The following UGT3A1 variants were observed in gnomAD, a reference collection of about 807,000 sequenced individuals.
UGT3A1 encodes UDP-glycosyltransferase 3A1.
In UGT3A1, 40 loss-of-function variants were observed where a neutral mutation model predicts 37.6. The observed-to-expected ratio is 1.06, with a 90% confidence interval of 0.83 to 1.38. The LOEUF (loss-of-function observed/expected upper bound fraction) is 1.38, where lower values mean the gene tolerates loss of function less well. Among genes scored for constraint, UGT3A1 ranks in the 40% most tolerant of loss-of-function variants. The pLI is 0.00. For missense variants in UGT3A1, 642 were observed against 634.2 expected (o/e 1.01, Z -0.13); for synonymous variants, 256 against 232.3 (o/e 1.10, Z -0.93).
chr5:35,955,755 A>G lies in UGT3A1; in HGVS notation c.1185T>C (p.His395=). 3 of 1,614,188 alleles carry G rather than the reference A, an allele frequency of 1.9e-6. No individual in the cohort carries two copies. The highest frequency in any genetic ancestry group is 2.5e-6 in the Non-Finnish European group (3 of 1,180,034). Residue 395 remains histidine (H), a synonymous_variant, in exon 6 of 7, where the codon CAT becomes CAC. Coordinates refer to ENST00000274278, the MANE Select transcript of UGT3A1 (RefSeq NM_152404.4). ...MVGLPVNGDQ[H]GNMVRVVAKN... The stretch of plus-strand genomic sequence containing the variant: ...TGGCTACTACTCGGACCATGTTTCC[A>G]TGCTGGTCTCCATTGACTGGTAATC...
At chr5:35,957,518 C>G in intron 4 of UGT3A1, 99 bp from the exon 5 acceptor site, 1 of 947,566 alleles carries the variant, frequency 1.1e-6, no homozygotes, top group East Asian at 2.6e-5. Flanking sequence ...ACCCTCCCAT[C>G]AGTGCCTTGT....
Position 35,953,089 on chromosome 5 carries a change from T to C in UGT3A1, c.*1113A>G, listed in dbSNP as rs930054586. The C allele has an allele frequency of 1.3e-4, 20 of 152,476 alleles. No homozygotes were observed. The highest frequency in any genetic ancestry group is 2.6e-4 in the African/African-American group (11 of 41,578). 9.4% of individuals were successfully genotyped at this position (152,476 alleles called of 1,614,324 possible). On this transcript the variant is annotated 3_prime_UTR_variant, in exon 7 of 7. Transcript: ENST00000274278. ...TGTGTTTTTAACTCATCAGACACCA[T>C]GCATTTGACAGTTTTATTACAGTGG...
Position 35,956,684 on chromosome 5 carries a change from T to C in UGT3A1, c.1075+504A>G, listed in dbSNP as rs146894840. Among the ~76,000 whole-genome samples the C allele has an allele frequency of 4.4e-3, 673 of 152,316 alleles. 1 individual carries two copies. Among genetic ancestry groups the C allele is most frequent in the Non-Finnish European group, 7.2e-3 (489 of 68,020 alleles). ...ATTGTGGCACATCCTTCAGATAATGTTGGCATCAATGTTGTGAATGTATGA... is the reference window on the plus strand; with the variant it reads ...ATTGTGGCACATCCTTCAGATAATGCTGGCATCAATGTTGTGAATGTATGA... On this transcript the variant is annotated intron_variant, in intron 5 of 6. Transcript: ENST00000274278.
rs554629031 is a variant in UGT3A1 at position 35,976,049 on chromosome 5, T to C, written c.197-7916A>G. Among the ~76,000 whole-genome samples the C allele has an allele frequency of 6.6e-5, 10 of 152,308 alleles. No individual in the cohort carries two copies. In the East Asian group the frequency reaches 1.4e-3, roughly 21 times the overall value. On this transcript the variant is annotated intron_variant, in intron 2 of 6. Coordinates refer to ENST00000274278, the MANE Select transcript of UGT3A1 (RefSeq NM_152404.4). ...CACTATTTCCCCTAGTGATCCACTA[T>C]CAATATTTTTGCTTCCTGTTCCTGC...
chr5:35,966,613 G>A (rs1364663347), intron 3 of UGT3A1, among the ~76,000 whole-genome samples: 1 of 152,278 alleles, frequency 6.6e-6, no homozygotes, highest in South Asian at 2.1e-4. Context: ...TATTCCAGAA[G>A]CTACTGCCCT....
chr5:35,965,136 A>T (rs16902667), intron 4 of UGT3A1, among the ~76,000 whole-genome samples: 2,705 of 152,326 alleles, frequency 0.018, 85 homozygotes, highest in African/African-American at 0.063. Context: ...GGCTCATCCC[A>T]CTGATTCTAA....
chr5:35,998,697 G>T (rs1741150578), intron 1 of UGT3A1, among the ~76,000 whole-genome samples: 2 of 152,178 alleles, frequency 1.3e-5, no homozygotes, highest in Admixed American at 1.3e-4. Flanking sequence ...TAAGAGGAGA[G>T]GATGGAAATT....
chr5:35,976,165 G>A (rs2149976183), intron 2 of UGT3A1, among the ~76,000 whole-genome samples: 1 of 152,138 alleles, frequency 6.6e-6, no homozygotes, highest in African/African-American at 2.4e-5. Context: ...AAACAGAAAA[G>A]TAAGAATGCA....
In UGT3A1 at chr5:35,954,251, C is replaced by A. The variant is rs1404442976; in HGVS notation, c.1523G>T (p.Gly508Val). 63 of 1,614,094 alleles carry A rather than the reference C, an allele frequency of 3.9e-5. No homozygotes were observed. Among genetic ancestry groups the A allele is most frequent in the Non-Finnish European group, 4.9e-5 (58 of 1,180,052 alleles). The change falls in exon 7 of 7, where the codon GGT becomes GTT. Residue 508 changes from glycine (G) to valine (V), a missense_variant. Transcript: ENST00000274278. ...CCCACGCAGCCACCTGGCCACCACACCCAGCAGCTTCCCACAAAGCCACAT... is the reference window on the plus strand; with the variant it reads ...CCCACGCAGCCACCTGGCCACCACAACCAGCAGCTTCCCACAAAGCCACAT... ...GTMWLCGKLL[G>V]VVARWLRGAR...
chr5:35,957,229 T>C lies in UGT3A1; in HGVS notation c.1034A>G (p.Asn345Ser), dbSNP rs539496316. Residue 345 changes from asparagine to serine, a missense_variant, in exon 5 of 7, where the codon AAT becomes AGT. Asn to Ser is a conservative substitution (Grantham distance 46). Transcript: ENST00000274278. ...AGGAAGCCAGTCCACAATTTTCACA[T>C]TTGTGGCCAAATGAACATCTCTGGG... ...HWPRDVHLAT[N>S]VKIVDWLPQS... 3.1e-6 allele frequency: 5 copies of C among 1,614,140 alleles called. No individual in the cohort carries two copies. Among genetic ancestry groups the C allele is most frequent in the Non-Finnish European group, 2.5e-6 (3 of 1,180,010 alleles).
intron 2 of UGT3A1, among the ~76,000 whole-genome samples, chr5:35,974,214 A>ATTTTT (rs1740166770): frequency 6.6e-6 from 1 of 152,140 alleles, no homozygotes; most frequent in Non-Finnish European, 1.5e-5. Context: ...AAAAATAATT[A>ATTTTT]TATTTTTCAG....
At chr5:35,990,956 C>A in intron 1 of UGT3A1, 191 bp downstream of exon 1, 2 of 1,478,640 alleles carry the variant, frequency 1.4e-6, no homozygotes, top group South Asian at 2.8e-5. Flanking sequence ...CAAAAACTGT[C>A]TTCCTCACCT....
chr5:35,974,118 C>T (rs1362503223), intron 2 of UGT3A1, among the ~76,000 whole-genome samples: 1 of 152,154 alleles, frequency 6.6e-6, no homozygotes. Context: ...CACTACACTA[C>T]CAGAAATATA....
chr5:35,998,808 T>C (rs1434393876), intron 1 of UGT3A1, among the ~76,000 whole-genome samples: 3 of 152,180 alleles, frequency 2.0e-5, no homozygotes, highest in Non-Finnish European at 2.9e-5. Context: ...TTGATTGCCC[T>C]AACTGACTTG....
intron 1 of UGT3A1, among the ~76,000 whole-genome samples, chr5:35,990,319 A>C (rs1369535775): frequency 6.6e-6 from 1 of 152,094 alleles, no homozygotes; most frequent in African/African-American, 2.4e-5. Context: ...TCCAGCTCTA[A>C]GAGCCCTGAT....
intron 6 of UGT3A1, 132 bp from the exon 7 acceptor site, chr5:35,954,610 A>C: frequency 8.3e-7 from 1 of 1,210,190 alleles, no homozygotes; most frequent in Non-Finnish European, 1.1e-6. Flanking sequence ...GCTGCAAAGA[A>C]AATTTGTTGG....
At chr5:35,986,195 C>T (rs962758334) in intron 2 of UGT3A1, among the ~76,000 whole-genome samples, 3 of 151,872 alleles carry the variant, frequency 2.0e-5, no homozygotes, top group Admixed American at 6.6e-5. Flanking sequence ...AATGCTGACA[C>T]GAAAGTCAAG....
Position 35,954,437 on chromosome 5 carries a change from G to A in UGT3A1, c.1337C>T (p.Ser446Phe). ...AVVAASVILH[S>F]QPLSPAQRLV... ...CCGCTGTGCGGGGCTCAGGGGCTGAGAGTGCAGGATGACACTGGCTGCCAC... is the reference window on the plus strand; with the variant it reads ...CCGCTGTGCGGGGCTCAGGGGCTGAAAGTGCAGGATGACACTGGCTGCCAC... Residue 446 changes from serine (S) to phenylalanine (F), a missense_variant, in exon 7 of 7, where the codon TCT becomes TTT. By Grantham distance (155) the Ser-to-Phe change is radical. Coordinates refer to ENST00000274278, the MANE Select transcript of UGT3A1 (RefSeq NM_152404.4). The A allele has an allele frequency of 6.2e-7, 1 of 1,614,236 alleles. No homozygotes were observed. The highest frequency in any genetic ancestry group is 2.2e-5 in the East Asian group (1 of 44,872).
chr5:35,955,881 A>C lies in UGT3A1; in HGVS notation c.1076-17T>G, dbSNP rs947951706. ...TGGGGTGAGCTGTGGCAAATAAGAA[A>C]GAGAGTGGAACACTTCAGGATGAAA... On this transcript the variant is annotated splice_polypyrimidine_tract_variant and intron_variant, in intron 5 of 6. Coordinates refer to ENST00000274278, the MANE Select transcript of UGT3A1 (RefSeq NM_152404.4). 14 of 1,612,962 alleles carry C rather than the reference A, an allele frequency of 8.7e-6. No homozygotes were observed. Among genetic ancestry groups the C allele is most frequent in the African/African-American group, 1.3e-5 (1 of 74,932 alleles).
Sources: allele counts gnomAD v4.1 joint callset (sites outside exome capture counted in the v4.1 genomes callset), GRCh38; gene constraint gnomAD v4.1.1; transcripts MANE v1.5; gene names NCBI Gene and HGNC (gene_info 2026-07-23, HGNC 2026-07-21).